Variants in TRIM24 observed in about 807,000 individuals in gnomAD.
TRIM24 encodes the protein tripartite motif containing 24.
TRIM24 carries 29 observed loss-of-function variants against 123.9 expected under a neutral mutation model. The observed-to-expected ratio is 0.23, with a 90% CI of 0.17 to 0.32. The LOEUF (loss-of-function observed/expected upper bound fraction) is 0.32, where lower values mean the gene tolerates loss of function less well. Among genes scored for constraint, TRIM24 ranks in the 10% least tolerant of loss-of-function variants. The pLI is 1.00. For synonymous variants in TRIM24, 456 were observed against 461.1 expected, an observed-to-expected ratio of 0.99 and a Z score of 0.14; for missense variants, 932 against 1,295.3, an observed-to-expected ratio of 0.72 and a Z score of 4.31.
At chr7:138,524,933 T>G (rs549529855) in intron 4 of TRIM24, among the ~76,000 whole-genome samples, 8 of 152,246 alleles carry the variant, frequency 5.3e-5, no homozygotes, top group South Asian at 2.1e-4. Flanking sequence ...TTAATAAATC[T>G]GATTATGTAT....
At chr7:138,470,006 C>G (rs868070244) in intron 1 of TRIM24, among the ~76,000 whole-genome samples, 61 of 152,246 alleles carry the variant, frequency 4.0e-4, no homozygotes, top group Middle Eastern at 3.4e-3. Flanking sequence ...CATTTCCCCT[C>G]CAGTCAGGCA....
At chr7:138,485,607 G>A (rs1022403230) in intron 1 of TRIM24, among the ~76,000 whole-genome samples, 7 of 151,794 alleles carry the variant, frequency 4.6e-5, no homozygotes, top group African/African-American at 1.7e-4. Flanking sequence ...TGCAGCATTT[G>A]GTTTTCTGTT....
In TRIM24 at chr7:138,584,743, C is replaced by G; in HGVS notation, c.2945C>G (p.Pro982Arg). 6.2e-7 allele frequency: 1 copy of G among 1,600,566 alleles called. No homozygotes were observed. Among genetic ancestry groups the G allele is most frequent in the Non-Finnish European group, 8.5e-7 (1 of 1,175,778 alleles). ...IFQNCAEFNE[P>R]DSEVANAGIK... ...CTCATTTTTATTTTTACTCCACAGCCTGATTCAGAAGTAGCCAATGCTGGT... is the reference window on the plus strand; with the variant it reads ...CTCATTTTTATTTTTACTCCACAGCGTGATTCAGAAGTAGCCAATGCTGGT... Residue 982 changes from proline to arginine, a missense_variant and splice_region_variant, in exon 19 of 19, where the codon CCT becomes CGT. Physicochemically the swap from Pro to Arg is moderately radical, Grantham distance 103. Transcript: ENST00000343526.
At chr7:138,543,734 C>G (rs1256633100) in intron 7 of TRIM24, among the ~76,000 whole-genome samples, 1 of 152,134 alleles carries the variant, frequency 6.6e-6, no homozygotes, top group African/African-American at 2.4e-5. Context: ...TACCTTGTAT[C>G]TATGTGTATG....
intron 4 of TRIM24, 65 bp downstream of exon 4, chr7:138,519,386 C>T (rs947315482): frequency 1.3e-5 from 19 of 1,512,304 alleles, no homozygotes; most frequent in Non-Finnish European, 1.6e-5. Context: ...AGGACTGCTG[C>T]CAACCCTCAT....
Position 138,519,366 on chromosome 7 carries a change from A to T in TRIM24, c.764+45A>T, listed in dbSNP as rs761960288. The stretch of plus-strand genomic sequence containing the variant: ...TATATATAGATTCATATGCAGCTTT[A>T]GAGGACTAAAGGACTGCTGCCAACC... On this transcript the variant is annotated intron_variant, in intron 4 of 18. Transcript: ENST00000343526. 5.9e-5 allele frequency: 91 copies of T among 1,546,938 alleles called. No homozygotes were observed. In the Admixed American group the frequency reaches 1.9e-3, roughly 32 times the overall value.
intron 1 of TRIM24, among the ~76,000 whole-genome samples, chr7:138,463,358 G>A (rs1009606458): frequency 1.3e-5 from 2 of 151,972 alleles, no homozygotes; most frequent in Admixed American, 1.3e-4. Context: ...CCTGGTTCAA[G>A]CGATTCTTGT....
intron 2 of TRIM24, among the ~76,000 whole-genome samples, chr7:138,506,692 C>A (rs1260989202): frequency 6.6e-6 from 1 of 152,116 alleles, no homozygotes; most frequent in African/African-American, 2.4e-5. Flanking sequence ...CTGCTTCTGT[C>A]ACAGAAACAT....
chr7:138,524,539 C>A (rs1017843490), intron 4 of TRIM24, among the ~76,000 whole-genome samples: 6 of 152,070 alleles, frequency 3.9e-5, no homozygotes, highest in African/African-American at 1.4e-4. Context: ...CATTTAAAAT[C>A]ACATTATATA....
intron 2 of TRIM24, among the ~76,000 whole-genome samples, chr7:138,508,708 C>CGTGTGTGTGTGTGCGT (rs61703393): frequency 0.28 from 37,936 of 135,422 alleles, 6,294 homozygotes; most frequent in East Asian, 0.42. Flanking sequence ...CGCGTGTGTG[C>CGTGTGTGTGTGTGCGT]GTGTGTGTGT....
At chr7:138,499,641 G>C (rs1795992606) in intron 1 of TRIM24, among the ~76,000 whole-genome samples, 1 of 152,102 alleles carries the variant, frequency 6.6e-6, no homozygotes, top group Non-Finnish European at 1.5e-5. Flanking sequence ...AGAAACGGAG[G>C]CTCTTCCAAC....
intron 14 of TRIM24, among the ~76,000 whole-genome samples, chr7:138,578,999 G>C (rs1196904302): frequency 6.8e-6 from 1 of 147,764 alleles, no homozygotes; most frequent in Non-Finnish European, 1.5e-5. Flanking sequence ...GCCATCCCCA[G>C]ACTTAGATTT....
At chr7:138,519,983 A>G (rs1796473428) in intron 4 of TRIM24, among the ~76,000 whole-genome samples, 1 of 152,190 alleles carries the variant, frequency 6.6e-6, no homozygotes, top group African/African-American at 2.4e-5. Context: ...GGCAGACTAG[A>G]TAATTTGGAT....
At chr7:138,502,242 G>A (rs1448404183) in intron 1 of TRIM24, among the ~76,000 whole-genome samples, 1 of 152,176 alleles carries the variant, frequency 6.6e-6, no homozygotes, top group Non-Finnish European at 1.5e-5. Flanking sequence ...TACTGCCCAG[G>A]TTTACCAGGT....
chr7:138,584,905 G>A lies in TRIM24; in HGVS notation c.3107G>A (p.Arg1036Gln), dbSNP rs746987506. Residue 1036 changes from arginine (R) to glutamine (Q), a missense_variant, in exon 19 of 19, where the codon CGG becomes CAG. Physicochemically the swap from Arg to Gln is conservative, Grantham distance 43. Coordinates refer to ENST00000343526, the MANE Select transcript of TRIM24 (RefSeq NM_015905.3). ...DDSDDDFVQP[R>Q]KKRLKSIEER... is the part of the protein sequence containing the mutation. ...TCAGATGATGACTTTGTACAGCCCCGGAAGAAACGCCTCAAAAGCATTGAA... is the reference window on the plus strand; with the variant it reads ...TCAGATGATGACTTTGTACAGCCCCAGAAGAAACGCCTCAAAAGCATTGAA... The A allele has an allele frequency of 8.7e-6, 14 of 1,613,074 alleles. No homozygotes were observed. The highest frequency in any genetic ancestry group is 2.2e-5 in the South Asian group (2 of 90,722).
At chr7:138,533,174 C>T (rs1006090341) in intron 6 of TRIM24, among the ~76,000 whole-genome samples, 1 of 152,214 alleles carries the variant, frequency 6.6e-6, no homozygotes, top group Non-Finnish European at 1.5e-5. Context: ...GACAATTTGA[C>T]TTCCTCTTTT....
rs531623872 is a variant in TRIM24 at position 138,586,016 on chromosome 7, A to G, written c.*1065A>G. The stretch of plus-strand genomic sequence containing the variant: ...TAATAGTGATTTTTTTTTTTTCCTG[A>G]AGCATCTATCTCATGTTTTTCTTTT... On this transcript the variant is annotated 3_prime_UTR_variant, in exon 19 of 19. Transcript: ENST00000343526. The G allele has an allele frequency of 1.1e-4, 52 of 453,012 alleles. No individual in the cohort carries two copies. The highest frequency in any genetic ancestry group is 1.5e-4 in the Non-Finnish European group (35 of 229,128). 28.1% of individuals were successfully genotyped at this position (453,012 alleles called of 1,614,324 possible).
chr7:138,496,362 A>G (rs1795905569), intron 1 of TRIM24, among the ~76,000 whole-genome samples: 1 of 152,192 alleles, frequency 6.6e-6, no homozygotes, highest in Admixed American at 6.5e-5. Context: ...GATTTTTTGC[A>G]TATACAATCA....
chr7:138,525,635 A>C lies in TRIM24; in HGVS notation c.881+278A>C, dbSNP rs549423255. Among the ~76,000 whole-genome samples the C allele has an allele frequency of 3.3e-5, 5 of 152,360 alleles. No homozygotes were observed. In the East Asian group the frequency reaches 9.6e-4, roughly 29 times the overall value. On this transcript the variant is annotated intron_variant, in intron 5 of 18. Coordinates refer to ENST00000343526, the MANE Select transcript of TRIM24 (RefSeq NM_015905.3). The stretch of plus-strand genomic sequence containing the variant: ...TATTTTCCAATTTTAAAGAAATACC[A>C]AAATTTAAATGCCAAATCAACCATT...
Sources: allele counts gnomAD v4.1 joint callset (sites outside exome capture counted in the v4.1 genomes callset), GRCh38; gene constraint gnomAD v4.1.1; transcripts MANE v1.5; gene names NCBI Gene and HGNC (gene_info 2026-07-23, HGNC 2026-07-21).